The following TCIRG1 variants were observed in gnomAD, a reference collection of about 807,000 sequenced individuals.
The protein encoded by TCIRG1 is V-type proton ATPase 116 kDa subunit a 3.
TCIRG1 carries 86 observed loss-of-function variants against 95.5 expected under a neutral mutation model. The observed-to-expected ratio is 0.90, with a 90% CI of 0.76 to 1.08. The LOEUF (loss-of-function observed/expected upper bound fraction) is 1.08. Ranked by LOEUF, TCIRG1 falls within the 50% of genes least tolerant of loss-of-function variation. The pLI, the probability that TCIRG1 is intolerant of heterozygous loss-of-function variation, is 0.00. For missense variants in TCIRG1, 1,069 were observed against 1,140.2 expected, an observed-to-expected ratio of 0.94 and a Z score of 0.90; for synonymous variants, 499 against 501.3, an observed-to-expected ratio of 1.00 and a Z score of 0.06.
rs370226601 is a variant in TCIRG1 at position 68,043,720 on chromosome 11, G to T, written c.713+67G>T. On this transcript the variant is annotated intron_variant, in intron 7 of 19. Coordinates refer to ENST00000265686, the MANE Select transcript of TCIRG1 (RefSeq NM_006019.4). ...GGCCCCTGCTGTCACCTCCCAGCCC[G>T]CCCTATCGTGACTCCTCCCCATGAG... 4 of 1,528,024 alleles carry T rather than the reference G, an allele frequency of 2.6e-6. No homozygotes were observed. The Admixed American group carries it at 7.7e-5, about 30-fold the overall frequency. 94.7% of individuals were successfully genotyped at this position (1,528,024 alleles called of 1,614,324 possible).
intron 1 of TCIRG1, among the ~76,000 whole-genome samples, chr11:68,040,500 A>G (rs1055873311): frequency 3.3e-5 from 5 of 152,282 alleles, no homozygotes; most frequent in Admixed American, 1.3e-4. Flanking sequence ...GGCCCTGACC[A>G]GGCCTGTCCC....
In TCIRG1 at chr11:68,047,759, C is replaced by G; in HGVS notation, c.1418C>G (p.Pro473Arg). ...ECFSRATSIF[P>R]SGWSVAAMAN... ...TTCAGTCGCGCCACCAGCATCTTCC[C>G]CTCGGGCTGGAGTGTGGCCGCCATG... Residue 473 changes from proline to arginine, a missense_variant, in exon 12 of 20, where the codon CCC (proline) becomes CGC (arginine). Coordinates refer to ENST00000265686, the MANE Select transcript of TCIRG1 (RefSeq NM_006019.4). 1 of 1,613,276 alleles carries G rather than the reference C, an allele frequency of 6.2e-7. No individual in the cohort carries two copies. Among genetic ancestry groups the G allele is most frequent in the Non-Finnish European group, 8.5e-7 (1 of 1,179,978 alleles).
intron 10 of TCIRG1, among the ~76,000 whole-genome samples, chr11:68,047,199 C>T (rs568696697): frequency 1.6e-4 from 22 of 136,270 alleles, no homozygotes; most frequent in Non-Finnish European, 3.2e-4. Flanking sequence ...TTAGTACAGG[C>T]AGGGTTTCAC....
At position 68,050,014 on chromosome 11, in the gene TCIRG1, G is replaced by A. The variant is rs1590817956; in HGVS notation, c.2066G>A (p.Trp689Ter). The A allele has an allele frequency of 8.7e-6, 14 of 1,613,186 alleles. No homozygotes were observed. The highest frequency in any genetic ancestry group is 1.3e-5 in the African/African-American group (1 of 74,924). ...LDLPDASVNG[W>*]SSDEEKAGGL... is the part of the protein sequence containing the mutation. ...CTGCCTGACGCATCTGTGAATGGCT[G>A]GAGCTCCGATGAGGAAAAGGCAGGG... The change falls in exon 17 of 20, where the codon TGG becomes TAG. Residue 689 changes from tryptophan (W) to a stop codon, truncating the protein, a stop_gained. Transcript: ENST00000265686. LOFTEE classifies it high-confidence loss of function.
At chr11:68,049,922 G>A in intron 16 of TCIRG1, 40 bp from the exon 17 acceptor site, 13 of 1,578,870 alleles carry the variant, frequency 8.2e-6, no homozygotes, top group Non-Finnish European at 1.1e-5. Flanking sequence ...GGGACCTCCT[G>A]GGGCTGGAGT....
chr11:68,049,186 G>A lies in TCIRG1; in HGVS notation c.1779G>A (p.Leu593=). The A allele has an allele frequency of 6.2e-7, 1 of 1,613,954 alleles. No homozygotes were observed. The highest frequency in any genetic ancestry group is 8.5e-7 in the Non-Finnish European group (1 of 1,180,014). ...TGTTCCTAGTCATCTACAAGTGGCT[G>A]TGTGTCTGGGCTGCCAGGGCCGCCT... ...YLVFLVIYKW[L]CVWAARAASA... is the part of the protein sequence containing the mutation. Residue 593 remains leucine, a synonymous_variant, in exon 15 of 20, where the codon CTG becomes CTA. Transcript: ENST00000265686.
chr11:68,053,274 GCTGT>G (rs1855868182), downstream of TCIRG1: 2 of 152,450 alleles, frequency 1.3e-5, no homozygotes, highest in South Asian at 4.1e-4. Context: ...GCCACGCATG[GCTGT>G]CTGCACACTC....
In TCIRG1 at chr11:68,047,690, T is replaced by A; in HGVS notation, c.1349T>A (p.Met450Lys). 1 of 1,612,670 alleles carries A rather than the reference T, an allele frequency of 6.2e-7. No individual in the cohort carries two copies. The highest frequency in any genetic ancestry group is 8.5e-7 in the Non-Finnish European group (1 of 1,179,650). ...FFRGRYLLLLMGLFSIYTGFI... is the reference protein window; with the variant it reads ...FFRGRYLLLLKGLFSIYTGFI... ...AGGGGCCGCTACCTGCTCCTGCTTATGGGCCTGTTCTCCATCTACACCGGC... is the reference window on the plus strand; with the variant it reads ...AGGGGCCGCTACCTGCTCCTGCTTAAGGGCCTGTTCTCCATCTACACCGGC... The change falls in exon 12 of 20, where the codon ATG becomes AAG. Residue 450 changes from methionine to lysine, a missense_variant. By Grantham distance (95) the Met-to-Lys change is moderately conservative (BLOSUM62 -1). Transcript: ENST00000265686.
At chr11:68,050,942 A>G (rs1855776081), downstream of TCIRG1, 2 of 1,102,728 alleles carry the variant, frequency 1.8e-6, no homozygotes, top group Admixed American at 3.9e-5. Flanking sequence ...GGCAGGTGGC[A>G]GGGTAGAAGG....
chr11:68,043,119 T>G lies in TCIRG1; in HGVS notation c.503+88T>G, dbSNP rs1855261221. On this transcript the variant is annotated intron_variant, in intron 5 of 19. Coordinates refer to ENST00000265686, the MANE Select transcript of TCIRG1 (RefSeq NM_006019.4). Reference sequence around the variant, plus strand: ...CTGGGCCAGGCTGAGCTCCGACTCCTTGTCCAGTGCTCTCCCCAGGCTGGC... The same window carrying G: ...CTGGGCCAGGCTGAGCTCCGACTCCGTGTCCAGTGCTCTCCCCAGGCTGGC... 4 of 1,545,882 alleles carry G rather than the reference T, an allele frequency of 2.6e-6. No homozygotes were observed. In the African/African-American group the frequency reaches 5.5e-5, roughly 21 times the overall value.
rs759141191 is a variant in TCIRG1, at chr11:68,047,575, G to A, written c.1305+3G>A. The A allele has an allele frequency of 5.7e-5, 92 of 1,613,542 alleles. 1 individual carries two copies. In the South Asian group the frequency reaches 9.6e-4, roughly 17 times the overall value. Reference sequence around the variant, plus strand: ...CTGTGAAGGCCGCGCAGAACGAGGTGAGGGGCGGGGCTGGGGTCCTGATGA... The same window carrying A: ...CTGTGAAGGCCGCGCAGAACGAGGTAAGGGGCGGGGCTGGGGTCCTGATGA... On this transcript the variant is annotated splice_donor_region_variant and intron_variant, in intron 11 of 19. Transcript: ENST00000265686.
rs200683259 is a variant in TCIRG1, at chr11:68,050,556, C to T, written c.2306C>T (p.Ala769Val). ...GGCCTGGGCCGGGAGGTGGGCGTGG[C>T]GGCTGTGGTGCTGGTCCCCATCTTT... ...GLGLGREVGV[A>V]AVVLVPIFAA... The change falls in exon 19 of 20, where the codon GCG becomes GTG. Residue 769 changes from alanine to valine, a missense_variant. Transcript: ENST00000265686. 1.8e-4 allele frequency: 288 copies of T among 1,613,652 alleles called. 2 individuals are homozygous for T. The South Asian group carries it at 2.7e-3, about 15-fold the overall frequency.
At chr11:68,043,531 G>A in intron 6 of TCIRG1, 34 bp downstream of exon 6, 2 of 1,587,694 alleles carry the variant, frequency 1.3e-6, no homozygotes, top group South Asian at 2.3e-5. Context: ...GGGGTCCTGG[G>A]CAGAGCGGGA....
rs1382136848 is a variant in TCIRG1, at chr11:68,045,859, C to T, written c.1165+757C>T. On this transcript the variant is annotated intron_variant, in intron 10 of 19. Coordinates refer to ENST00000265686, the MANE Select transcript of TCIRG1 (RefSeq NM_006019.4). The stretch of plus-strand genomic sequence containing the variant: ...TTGCCCACTGGATGAGGCAGGGCCC[C>T]TCCCTGTCCTGTGACCAAGTCCCCT... Among the ~76,000 whole-genome samples, 10 of 152,228 alleles carry T rather than the reference C, an allele frequency of 6.6e-5. No homozygotes were observed. The East Asian group carries it at 9.6e-4, about 15-fold the overall frequency.
At position 68,049,976 on chromosome 11, in the gene TCIRG1, C is replaced by T. The variant is rs370181947; in HGVS notation, c.2028C>T (p.Ala676=). The change falls in exon 17 of 20, where the codon GCC becomes GCT. Residue 676 remains alanine (A), a synonymous_variant. Transcript: ENST00000265686. ...TCATGCCCCAGGAGGAAAACAAGGC[C>T]GGGTTGCTGGACCTGCCTGACGCAT... is the stretch of plus-strand genomic sequence containing the variant. The part of the protein sequence containing the change: ...RPADRQEENK[A]GLLDLPDASV... 120 of 1,611,616 alleles carry T rather than the reference C, an allele frequency of 7.4e-5. No homozygotes were observed. Among genetic ancestry groups the T allele is most frequent in the East Asian group, 4.7e-4 (21 of 44,864 alleles).
At position 68,042,683 on chromosome 11, in the gene TCIRG1, G is replaced by A; in HGVS notation, c.237G>A (p.Leu79=). ...QEEVRRAGLV[L]PPPKGRLPAP... ...AGGTGCGGCGGGCTGGGCTGGTCCT[G>A]CCCCCGCCAAAGGGGAGGCTGCCGG... Residue 79 remains leucine, a synonymous_variant, in exon 4 of 20, where the codon CTG becomes CTA. Transcript: ENST00000265686. The A allele has an allele frequency of 1.3e-6, 2 of 1,546,454 alleles. No homozygotes were observed. The highest frequency in any genetic ancestry group is 1.7e-6 in the Non-Finnish European group (2 of 1,145,982).
chr11:68,045,179 G>T, intron 10 of TCIRG1, 77 bp downstream of exon 10: 1 of 1,569,652 alleles, frequency 6.4e-7, no homozygotes, highest in South Asian at 1.1e-5. Context: ...CTGAGGGGGA[G>T]GTATCTCCAT....
At chr11:68,049,473 G>A in intron 15 of TCIRG1, 179 bp downstream of exon 15, 1 of 995,428 alleles carries the variant, frequency 1.0e-6, no homozygotes, top group South Asian at 1.6e-5. Context: ...ACTGGCACTG[G>A]GAACCGGGGG....
rs758830999 is a variant in TCIRG1, at chr11:68,049,282, C to T, written c.1875C>T (p.Leu625=). Residue 625 remains leucine, a synonymous_variant, in exon 15 of 20, where the codon CTC becomes CTT. Coordinates refer to ENST00000265686, the MANE Select transcript of TCIRG1 (RefSeq NM_006019.4). ...LFSHSPSNRL[L]YPRQEVVQAT... ...CCCACAGCCCCAGCAACAGGCTGCTCTACCCCCGGCAGGTGGGCTGCGGCT... is the reference window on the plus strand; with the variant it reads ...CCCACAGCCCCAGCAACAGGCTGCTTTACCCCCGGCAGGTGGGCTGCGGCT... 1.2e-6 allele frequency: 2 copies of T among 1,608,856 alleles called. No individual in the cohort carries two copies. The highest frequency in any genetic ancestry group is 1.7e-6 in the Non-Finnish European group (2 of 1,177,076).
Sources: gnomAD v4.1 joint callset for allele counts (sites outside exome capture counted in the v4.1 genomes callset) on GRCh38, gnomAD v4.1.1 for gene constraint, MANE v1.5 for transcripts, NCBI Gene and HGNC (gene_info 2026-07-23, HGNC 2026-07-21) for gene names.